The following CNTNAP5 variants were observed in gnomAD, a reference collection of about 807,000 sequenced individuals.
CNTNAP5 encodes the protein contactin associated protein family member 5.
CNTNAP5 carries 72 observed loss-of-function variants against 150.2 expected under a neutral mutation model. The observed-to-expected ratio is 0.48, with a 90% confidence interval of 0.40 to 0.58. The LOEUF is 0.58. Among genes scored for constraint, CNTNAP5 ranks in the 20% least tolerant of loss-of-function variants. The probability of loss-of-function intolerance (pLI) is 0.00; values close to 1 mark genes in which losing one functional copy is unlikely to be tolerated. For synonymous variants in CNTNAP5, 672 were observed against 619.8 expected (o/e 1.08, Z -1.25); for missense variants, 1,636 against 1,626.2 (o/e 1.01, Z -0.10).
At chr2:124,467,977 CT>C (rs1693417260) in intron 6 of CNTNAP5, among the ~76,000 whole-genome samples, 1 of 152,038 alleles carries the variant, frequency 6.6e-6, no homozygotes, top group African/African-American at 2.4e-5. Context: ...TCTCTCTGTA[CT>C]TTTTTCCTCT....
intron 19 of CNTNAP5, among the ~76,000 whole-genome samples, chr2:124,840,278 G>A (rs998635000): frequency 3.3e-5 from 5 of 152,054 alleles, no homozygotes; most frequent in African/African-American, 1.2e-4. Context: ...AGACAACTTT[G>A]CTGCTGATAT....
At chr2:124,905,736 G>A (rs72965805) in intron 22 of CNTNAP5, among the ~76,000 whole-genome samples, 3,006 of 152,214 alleles carry the variant, frequency 0.02, 115 homozygotes, top group African/African-American at 0.068. Context: ...GGGAAAGTGT[G>A]GTGGGGTGGC....
At chr2:124,420,725 T>C (rs1293222123) in intron 4 of CNTNAP5, among the ~76,000 whole-genome samples, 2 of 152,176 alleles carry the variant, frequency 1.3e-5, no homozygotes, top group Admixed American at 1.3e-4. Flanking sequence ...ACCTGTGGAC[T>C]ACAGTTTCAG....
chr2:124,039,667 C>G (rs978715954), intron 1 of CNTNAP5, among the ~76,000 whole-genome samples: 2 of 152,120 alleles, frequency 1.3e-5, no homozygotes, highest in Non-Finnish European at 1.5e-5. Flanking sequence ...GTGTTTACTT[C>G]GGGTGCCATT....
chr2:124,674,386 T>C (rs1678886817), intron 13 of CNTNAP5, among the ~76,000 whole-genome samples: 1 of 126,978 alleles, frequency 7.9e-6, no homozygotes. Context: ...CCTCCCTCCT[T>C]TGTTCTTTCT....
intron 3 of CNTNAP5, among the ~76,000 whole-genome samples, chr2:124,331,675 A>G (rs914089185): frequency 6.6e-6 from 1 of 151,984 alleles, no homozygotes; most frequent in African/African-American, 2.4e-5. Flanking sequence ...AACCAGAATT[A>G]GAATTAAAAG....
chr2:124,788,695 G>A (rs576920389), intron 17 of CNTNAP5, among the ~76,000 whole-genome samples: 12 of 150,060 alleles, frequency 8.0e-5, no homozygotes, highest in East Asian at 2.0e-4. Context: ...CCGCCTCCCC[G>A]GTTCAAGCTA....
chr2:124,423,633 A>G (rs113392804), intron 4 of CNTNAP5, among the ~76,000 whole-genome samples: 2,188 of 134,084 alleles, frequency 0.016, 54 homozygotes, highest in South Asian at 0.054. Context: ...GGCATGAGCC[A>G]CTGCGCCCGG....
intron 3 of CNTNAP5, among the ~76,000 whole-genome samples, chr2:124,265,580 T>A (rs1687584811): frequency 1.3e-5 from 2 of 152,132 alleles, no homozygotes; most frequent in Non-Finnish European, 2.9e-5. Flanking sequence ...CATGGGGGAC[T>A]GAGGGCAACA....
intron 3 of CNTNAP5, among the ~76,000 whole-genome samples, chr2:124,410,785 C>T (rs1334028046): frequency 2.0e-5 from 3 of 149,936 alleles, no homozygotes; most frequent in East Asian, 2.0e-4. Context: ...CAGGAAAGAT[C>T]CAAAATTGAC....
chr2:124,602,052 A>C (rs1362533011), intron 11 of CNTNAP5, among the ~76,000 whole-genome samples: 2 of 152,198 alleles, frequency 1.3e-5, no homozygotes, highest in Non-Finnish European at 2.9e-5. Flanking sequence ...ACATATGAAA[A>C]AGATAAAATC....
chr2:124,681,129 A>T (rs1381980245), intron 13 of CNTNAP5, among the ~76,000 whole-genome samples: 2 of 150,012 alleles, frequency 1.3e-5, no homozygotes, highest in African/African-American at 4.9e-5. Context: ...TACTAAAAAA[A>T]ATAAATAAAT....
intron 13 of CNTNAP5, among the ~76,000 whole-genome samples, chr2:124,746,702 C>A (rs1414350751): frequency 6.6e-6 from 1 of 152,162 alleles, no homozygotes. Flanking sequence ...GAACTGAGGA[C>A]AGAGGTCAGG....
In CNTNAP5 at chr2:124,163,069, G is replaced by A. The variant is rs188212637; in HGVS notation, c.83-58636G>A. Reference sequence around the variant, plus strand: ...TACATTCTTGAACCCTTTCTCCTACGACCATTAAAGACTTAGAATCATGGA... The same window carrying A: ...TACATTCTTGAACCCTTTCTCCTACAACCATTAAAGACTTAGAATCATGGA... On this transcript the variant is annotated intron_variant, in intron 1 of 23. Transcript: ENST00000682447. 6.6e-5 allele frequency among the ~76,000 whole-genome samples: 10 copies of A among 152,124 alleles called. No individual in the cohort carries two copies. In the East Asian group the frequency reaches 1.5e-3, roughly 24 times the overall value.
intron 9 of CNTNAP5, among the ~76,000 whole-genome samples, chr2:124,526,671 C>T (rs1265245700): frequency 1.3e-5 from 2 of 152,166 alleles, no homozygotes. Flanking sequence ...TTCCCATATG[C>T]TATTACAGCC....
intron 13 of CNTNAP5, among the ~76,000 whole-genome samples, chr2:124,706,916 G>GAGA (rs796272013): frequency 0.021 from 622 of 30,002 alleles, 22 homozygotes; most frequent in East Asian, 0.064. Context: ...GGAGGAGGAG[G>GAGA]AGAAGAAGAA....
At chr2:124,699,319 G>A (rs1022809449) in intron 13 of CNTNAP5, among the ~76,000 whole-genome samples, 27 of 152,094 alleles carry the variant, frequency 1.8e-4, no homozygotes, top group Admixed American at 7.9e-4. Flanking sequence ...CTTTGGATGC[G>A]TTGCCTGTTT....
At chr2:124,164,085 T>C in intron 1 of CNTNAP5, among the ~76,000 whole-genome samples, 1 of 152,180 alleles carries the variant, frequency 6.6e-6, no homozygotes, top group African/African-American at 2.4e-5. Flanking sequence ...AACACTAAAA[T>C]GCATGCCAAA....
At chr2:124,232,719 T>C (rs543937194) in intron 2 of CNTNAP5, among the ~76,000 whole-genome samples, 1 of 152,296 alleles carries the variant, frequency 6.6e-6, no homozygotes, top group Non-Finnish European at 1.5e-5. Flanking sequence ...AATGAAAATG[T>C]TTCATTAAAA....
Sources: allele counts gnomAD v4.1 joint callset (sites outside exome capture counted in the v4.1 genomes callset), GRCh38; gene constraint gnomAD v4.1.1; transcripts MANE v1.5; gene names NCBI Gene and HGNC (gene_info 2026-07-23, HGNC 2026-07-21).